Variants in CLIC3 observed in about 807,000 individuals in gnomAD.
CLIC3 encodes chloride intracellular channel protein 3.
A neutral mutation model predicts 19.9 loss-of-function variants in CLIC3; 29 were observed. That is an observed-to-expected ratio of 1.46 (90% CI 1.09 to 1.99). CLIC3 has a LOEUF of 1.99. Ranked by LOEUF, CLIC3 falls within the 30% of genes most tolerant of loss-of-function variation. The pLI is 0.00. For missense variants in CLIC3, 365 were observed against 342.6 expected (o/e 1.07, Z -0.52); for synonymous variants, 143 against 156.4 (o/e 0.91, Z 0.64).
At chr9:136,995,616 G>T in intron 2 of CLIC3, 32 bp downstream of exon 2, 2 of 1,609,588 alleles carry the variant, frequency 1.2e-6, no homozygotes, top group Non-Finnish European at 1.7e-6. Context: ...AGTGTGCGAG[G>T]CCAGGCGGGG....
Position 136,995,095 on chromosome 9 carries a change from C to T in CLIC3, c.387G>A (p.Gln129=). The change falls in exon 5 of 6, where the codon CAG becomes CAA. Residue 129 remains glutamine, a synonymous_variant. Transcript: ENST00000494426. ...GCCTGGCGAGGGCGCGCAGCAGCTG[C>T]TGGTACAGGGCTAGGGGGCAGGCGG... ...PVPAQDEALY[Q]QLLRALARLD... The T allele has an allele frequency of 6.5e-7, 1 of 1,535,972 alleles. No individual in the cohort carries two copies. Among genetic ancestry groups the T allele is most frequent in the Non-Finnish European group, 8.8e-7 (1 of 1,139,390 alleles).
chr9:136,996,144 C>G (rs1020131707), intron 1 of CLIC3, among the ~76,000 whole-genome samples: 1 of 152,206 alleles, frequency 6.6e-6, no homozygotes, highest in African/African-American at 2.4e-5. Flanking sequence ...GTCCCCCACC[C>G]CAGTCCCCGA....
chr9:136,994,902 C>T, intron 5 of CLIC3, 28 bp downstream of exon 5: 1 of 1,471,790 alleles, frequency 6.8e-7, no homozygotes, highest in Non-Finnish European at 8.9e-7. Flanking sequence ...CGCGGTCACC[C>T]TCCCGCCCGC....
rs370612864 is a variant in CLIC3, at chr9:136,995,456, C to T, written c.255G>A (p.Thr85=). 2 of 1,612,468 alleles carry T rather than the reference C, an allele frequency of 1.2e-6. No homozygotes were observed. The highest frequency in any genetic ancestry group is 1.7e-6 in the Non-Finnish European group (2 of 1,179,826). ...TLQIEDFLEE[T]LGPPDFPSLA... Reference sequence around the variant, plus strand: ...GGGGCTCTCACTCGGGCGGCCCCAGCGTCTCCTCCAGAAAGTCCTCGATCT... The same window carrying T: ...GGGGCTCTCACTCGGGCGGCCCCAGTGTCTCCTCCAGAAAGTCCTCGATCT... Residue 85 remains threonine (T), a synonymous_variant, in exon 3 of 6, where the codon ACG becomes ACA. Transcript: ENST00000494426.
At chr9:136,995,847 C>G in intron 1 of CLIC3, 90 bp from the exon 2 acceptor site, 6 of 873,904 alleles carry the variant, frequency 6.9e-6, no homozygotes, top group Non-Finnish European at 1.1e-5. Context: ...CCTCCCACTG[C>G]CAGTGGGATT....
chr9:136,994,937 A>T lies in CLIC3; in HGVS notation c.545T>A (p.Ile182Asn). ...ADCSLLPKLH[I>N]VDTVCAHFRQ... ...CCCACCTTCCGTGCTCACGTCGACG[A>T]TGTGCAGCTTGGGCAGGAGGCTGCA... Residue 182 changes from isoleucine (I) to asparagine (N), a missense_variant, in exon 5 of 6, where the codon ATC becomes AAC. Ile to Asn is a moderately radical substitution (Grantham distance 149, BLOSUM62 -3). Coordinates refer to ENST00000494426, the MANE Select transcript of CLIC3 (RefSeq NM_004669.3). 1.5e-6 allele frequency: 2 copies of T among 1,304,554 alleles called. No homozygotes were observed. Among genetic ancestry groups the T allele is most frequent in the Non-Finnish European group, 1.0e-6 (1 of 1,001,970 alleles). 80.8% of individuals were successfully genotyped at this position (1,304,554 alleles called of 1,614,324 possible).
rs780770025 is a variant in CLIC3, at chr9:136,994,767, C to G, written c.625G>C (p.Ala209Pro). The change falls in exon 6 of 6, where the codon GCG (alanine) becomes CCG (proline). Residue 209 changes from alanine to proline, a missense_variant. Ala to Pro is a conservative substitution (Grantham distance 27). Transcript: ENST00000494426. Reference protein sequence around the residue: ...LRGVRRYLDSAMQEKEFKYTC... With the variant: ...LRGVRRYLDSPMQEKEFKYTC... The stretch of plus-strand genomic sequence containing the variant: ...TATTTGAACTCTTTCTCCTGCATCG[C>G]GCTGTCCAGGTAGCGGCGTACGCCG... 2 of 1,602,970 alleles carry G rather than the reference C, an allele frequency of 1.2e-6. No homozygotes were observed. Among genetic ancestry groups the G allele is most frequent in the Non-Finnish European group, 1.7e-6 (2 of 1,175,430 alleles).
rs897554800 is a variant in CLIC3, at chr9:136,994,963, G to GT, written c.518dup (p.Asp173GlufsTer75). ...TGTGCAGCTTGGGCAGGAGGCTGCA[G>GT]TCGGCCAGCGTGAGCCTGTCGCCGT... On this transcript the variant is annotated frameshift_variant, in exon 5 of 6. Coordinates refer to ENST00000494426, the MANE Select transcript of CLIC3 (RefSeq NM_004669.3). LOFTEE classifies it low-confidence loss of function (END_TRUNC). 1.3e-4 allele frequency: 197 copies of GT among 1,499,822 alleles called. 1 individual carries two copies. The Middle Eastern group carries it at 1.6e-3, about 12-fold the overall frequency. The allele number at this position is 1,499,822 out of a possible 1,614,324, so 92.9% of individuals were successfully genotyped here.
chr9:136,996,338 C>T (rs999323369), intron 1 of CLIC3, among the ~76,000 whole-genome samples, 173 bp downstream of exon 1: 9 of 152,198 alleles, frequency 5.9e-5, no homozygotes, highest in African/African-American at 1.9e-4. Context: ...CTGGGTGACT[C>T]GCTGGGTCCC....
In CLIC3 at chr9:136,995,207, G is replaced by C; in HGVS notation, c.355C>G (p.Pro119Ala). Reference sequence around the variant, plus strand: ...TCACCTTCGTCCTGCGCGGGCACCGGGTTCTTGATGAACGCGGAGAACTTG... The same window carrying C: ...TCACCTTCGTCCTGCGCGGGCACCGCGTTCTTGATGAACGCGGAGAACTTG... The part of the protein sequence containing the change: ...FHKFSAFIKN[P>A]VPAQDEALYQ... Residue 119 changes from proline (P) to alanine (A), a missense_variant, in exon 4 of 6, where the codon CCG becomes GCG. By Grantham distance (27) the Pro-to-Ala change is conservative. Transcript: ENST00000494426. The C allele has an allele frequency of 6.2e-7, 1 of 1,612,690 alleles. No homozygotes were observed. The highest frequency in any genetic ancestry group is 2.2e-5 in the East Asian group (1 of 44,866).
chr9:136,994,890 G>A, intron 5 of CLIC3, 40 bp downstream of exon 5: 1 of 1,476,242 alleles, frequency 6.8e-7, no homozygotes, highest in South Asian at 1.3e-5. Context: ...CCCCAGGCGC[G>A]CCGCGGTCAC....
intron 1 of CLIC3, among the ~76,000 whole-genome samples, 192 bp from the exon 2 acceptor site, chr9:136,995,949 C>T (rs1830699297): frequency 6.6e-6 from 1 of 152,182 alleles, no homozygotes; most frequent in African/African-American, 2.4e-5. Flanking sequence ...GGGAGGGGGG[C>T]AGAGCTGCTG....
rs1830691805 is a variant in CLIC3 at position 136,995,577 on chromosome 9, G to A, written c.144-10C>T. On this transcript the variant is annotated splice_polypyrimidine_tract_variant and intron_variant, in intron 2 of 5. Coordinates refer to ENST00000494426, the MANE Select transcript of CLIC3 (RefSeq NM_004669.3). Reference sequence around the variant, plus strand: ...CAGCACGTCCGGGGACCTGCGGGCAGCAGCGGGGTGGGAGGAGGCCGGCCC... The same window carrying A: ...CAGCACGTCCGGGGACCTGCGGGCAACAGCGGGGTGGGAGGAGGCCGGCCC... 1 of 1,611,518 alleles carries A rather than the reference G, an allele frequency of 6.2e-7. No individual in the cohort carries two copies. Among genetic ancestry groups the A allele is most frequent in the Non-Finnish European group, 8.5e-7 (1 of 1,179,126 alleles).
At chr9:136,994,905 C>G (rs1218857484) in intron 5 of CLIC3, 25 bp downstream of exon 5, 1 of 1,472,682 alleles carries the variant, frequency 6.8e-7, no homozygotes, top group African/African-American at 1.5e-5. Flanking sequence ...GGTCACCCTC[C>G]CGCCCGCCCA....
chr9:136,994,871 C>G (rs758395806), intron 5 of CLIC3, 32 bp from the exon 6 acceptor site: 47 of 1,497,718 alleles, frequency 3.1e-5, no homozygotes, highest in Non-Finnish European at 4.1e-5. Flanking sequence ...GCGGTCAGGA[C>G]CTGCCGTCCC....
chr9:136,995,541 G>A lies in CLIC3; in HGVS notation c.170C>T (p.Ala57Val), dbSNP rs1554730925. Reference protein sequence around the residue: ...RRSPDVLKDFAPGSQLPILLY... With the variant: ...RRSPDVLKDFVPGSQLPILLY... ...CAGGATGGGCAGCTGCGAGCCGGGG[G>A]CGAAGTCCTTCAGCACGTCCGGGGA... Residue 57 changes from alanine to valine, a missense_variant, in exon 3 of 6, where the codon GCC becomes GTC. Ala to Val is a moderately conservative substitution (Grantham distance 64). Coordinates refer to ENST00000494426, the MANE Select transcript of CLIC3 (RefSeq NM_004669.3). The A allele has an allele frequency of 2.5e-6, 4 of 1,612,438 alleles. No individual in the cohort carries two copies. The highest frequency in any genetic ancestry group is 3.4e-6 in the Non-Finnish European group (4 of 1,179,828).
intron 2 of CLIC3, 34 bp from the exon 3 acceptor site, chr9:136,995,601 C>T: frequency 6.2e-7 from 1 of 1,610,380 alleles, no homozygotes; most frequent in Non-Finnish European, 8.5e-7. Context: ...GGAGGCCGGC[C>T]CACCAGTGTG....
At chr9:136,994,889 C>A in intron 5 of CLIC3, 41 bp downstream of exon 5, 1 of 1,477,264 alleles carries the variant, frequency 6.8e-7, no homozygotes, top group East Asian at 2.6e-5. Flanking sequence ...CCCCCAGGCG[C>A]GCCGCGGTCA....
rs376619199 is a variant in CLIC3 at position 136,995,431 on chromosome 9, G to A, written c.269+11C>T. 11 of 1,612,010 alleles carry A rather than the reference G, an allele frequency of 6.8e-6. No homozygotes were observed. Among genetic ancestry groups the A allele is most frequent in the South Asian group, 5.5e-5 (5 of 91,066 alleles). ...CCCTCTTTTCCCCTCCCACCCTGCC[G>A]GGGCTCTCACTCGGGCGGCCCCAGC... On this transcript the variant is annotated intron_variant, in intron 3 of 5. Transcript: ENST00000494426.
Sources: gnomAD v4.1 joint callset for allele counts (sites outside exome capture counted in the v4.1 genomes callset) on GRCh38, gnomAD v4.1.1 for gene constraint, MANE v1.5 for transcripts, NCBI Gene and HGNC (gene_info 2026-07-23, HGNC 2026-07-21) for gene names.